TGS1: variants seen among roughly 807,000 people sequenced by gnomAD.
The protein encoded by TGS1 is trimethylguanosine synthase.
TGS1 carries 69 observed loss-of-function variants against 92.2 expected under a neutral mutation model. The ratio of observed to expected loss-of-function variants is 0.75; its 90% confidence interval spans 0.62 to 0.91. The LOEUF (loss-of-function observed/expected upper bound fraction) is 0.91, where lower values mean the gene tolerates loss of function less well. TGS1 is among the 40% of genes least tolerant of loss of function. The pLI is 0.00. For synonymous variants in TGS1, 345 were observed against 338.1 expected (o/e 1.02, Z -0.22); for missense variants, 1,062 against 1,001.2 (o/e 1.06, Z -0.82).
chr8:55,808,117 G>T (rs1803229694), intron 10 of TGS1, among the ~76,000 whole-genome samples: 1 of 152,168 alleles, frequency 6.6e-6, no homozygotes, highest in African/African-American at 2.4e-5. Flanking sequence ...TTTAAGGTCA[G>T]TGCTGATGAA....
Position 55,786,250 on chromosome 8 carries a change from A to C in TGS1, c.352A>C (p.Thr118Pro). 1 of 1,389,380 alleles carries C rather than the reference A, an allele frequency of 7.2e-7. No homozygotes were observed. Among genetic ancestry groups the C allele is most frequent in the Non-Finnish European group, 9.8e-7 (1 of 1,019,600 alleles). The allele number at this position is 1,389,380 out of a possible 1,614,324, so 86.1% of individuals were successfully genotyped here. The change falls in exon 4 of 13, where the codon ACT becomes CCT. Residue 118 changes from threonine to proline, a missense_variant. By Grantham distance (38) the Thr-to-Pro change is conservative (BLOSUM62 -1). Coordinates refer to ENST00000260129, the MANE Select transcript of TGS1 (RefSeq NM_024831.8). Reference sequence around the variant, plus strand: ...TTATCTGATATAGGTATCTATGAATACTAGAAATAAAGTTAAAATAAAAAA... The same window carrying C: ...TTATCTGATATAGGTATCTATGAATCCTAGAAATAAAGTTAAAATAAAAAA... ...AHKDFEVSMNTRNKVKIKKKK... is the reference protein window; with the variant it reads ...AHKDFEVSMNPRNKVKIKKKK...
rs1408025357 is a variant in TGS1, at chr8:55,773,692, T to C, written c.74T>C (p.Leu25Pro). 1.9e-6 allele frequency: 3 copies of C among 1,611,124 alleles called. No homozygotes were observed. The highest frequency in any genetic ancestry group is 2.2e-5 in the South Asian group (2 of 90,388). ...GAGGAGCGGGAGGATTGTAAGATAC[T>C]GTGCCTTTGCTCCAGGGCATTTGTG... ...FIEEREDCKI[L>P]CLCSRAFVED... The change falls in exon 1 of 13, where the codon CTG (leucine) becomes CCG (proline). Residue 25 changes from leucine to proline, a missense_variant. Coordinates refer to ENST00000260129, the MANE Select transcript of TGS1 (RefSeq NM_024831.8).
At chr8:55,781,366 A>G (rs1811557732) in intron 1 of TGS1, among the ~76,000 whole-genome samples, 2 of 152,182 alleles carry the variant, frequency 1.3e-5, no homozygotes, top group South Asian at 4.1e-4. Flanking sequence ...TATTTAAAAA[A>G]AAACCAAAAA....
intron 10 of TGS1, among the ~76,000 whole-genome samples, chr8:55,809,715 A>G (rs1377995719): frequency 6.6e-6 from 1 of 152,214 alleles, no homozygotes; most frequent in East Asian, 1.9e-4. Context: ...GATTACAGGC[A>G]TGAGCCACCG....
At chr8:55,787,855 T>C (rs1295479106) in intron 4 of TGS1, among the ~76,000 whole-genome samples, 2 of 151,920 alleles carry the variant, frequency 1.3e-5, no homozygotes, top group African/African-American at 4.8e-5. Flanking sequence ...TGGCAGAAGG[T>C]GAAAGGGGCA....
Position 55,825,054 on chromosome 8 carries a change from T to C in TGS1, c.*351T>C. On this transcript the variant is annotated 3_prime_UTR_variant, in exon 13 of 13. Transcript: ENST00000260129. ...CTTCTGTCTCAGTCTCCTCAGTAGCTGGGGCTTTAGGTGGGCACTGCCACA... is the reference window on the plus strand; with the variant it reads ...CTTCTGTCTCAGTCTCCTCAGTAGCCGGGGCTTTAGGTGGGCACTGCCACA... The C allele has an allele frequency of 5.6e-6, 1 of 177,736 alleles. No homozygotes were observed. Among genetic ancestry groups the C allele is most frequent in the South Asian group, 1.2e-4 (1 of 8,306 alleles). 11.0% of individuals were successfully genotyped at this position (177,736 alleles called of 1,614,324 possible).
intron 1 of TGS1, among the ~76,000 whole-genome samples, chr8:55,775,362 C>G (rs1428544354): frequency 6.6e-6 from 1 of 152,162 alleles, no homozygotes; most frequent in Non-Finnish European, 1.5e-5. Flanking sequence ...AAACCTTAAG[C>G]TGGGGAATGA....
At chr8:55,786,190 T>G in intron 3 of TGS1, 48 bp from the exon 4 acceptor site, 1 of 1,019,330 alleles carries the variant, frequency 9.8e-7, no homozygotes, top group Non-Finnish European at 1.4e-6. Context: ...TACTTTCTTT[T>G]ATAGTTCATA....
chr8:55,791,314 C>T (rs1229728462), intron 5 of TGS1, among the ~76,000 whole-genome samples: 3 of 152,204 alleles, frequency 2.0e-5, no homozygotes. Context: ...CAGGAACTGT[C>T]ACAAGAAATT....
intron 5 of TGS1, among the ~76,000 whole-genome samples, chr8:55,792,075 T>C (rs571097286): frequency 3.9e-5 from 6 of 152,220 alleles, no homozygotes; most frequent in Non-Finnish European, 5.9e-5. Flanking sequence ...TGCTAGTTAC[T>C]GGAGGCAAAG....
At chr8:55,805,080 A>C in intron 10 of TGS1, 44 bp downstream of exon 10, 1 of 1,573,954 alleles carries the variant, frequency 6.4e-7, no homozygotes, top group Non-Finnish European at 8.7e-7. Flanking sequence ...TGTCCAGTTA[A>C]TTCAGTAAAT....
chr8:55,776,202 A>C (rs1811392344), intron 1 of TGS1, among the ~76,000 whole-genome samples: 1 of 151,922 alleles, frequency 6.6e-6, no homozygotes, highest in Non-Finnish European at 1.5e-5. Flanking sequence ...TTGAGCAAGC[A>C]AGGGGTACGT....
At position 55,809,194 on chromosome 8, in the gene TGS1, T is replaced by A. The variant is rs555480259; in HGVS notation, c.2144-1687T>A. The stretch of plus-strand genomic sequence containing the variant: ...GTTATTCCTTTGTGCCAGATTTATT[T>A]CCACTCAGATATTTGCTGTCTGTGC... On this transcript the variant is annotated intron_variant, in intron 10 of 12. Coordinates refer to ENST00000260129, the MANE Select transcript of TGS1 (RefSeq NM_024831.8). 8.5e-5 allele frequency among the ~76,000 whole-genome samples: 13 copies of A among 152,350 alleles called. No individual in the cohort carries two copies. The East Asian group carries it at 2.3e-3, about 27-fold the overall frequency.
At chr8:55,802,326 T>C in intron 8 of TGS1, 131 bp from the exon 9 acceptor site, 1 of 692,232 alleles carries the variant, frequency 1.4e-6, no homozygotes, top group Admixed American at 2.7e-5. Flanking sequence ...GGCTCTCCTG[T>C]TTCTCTGGGC....
At chr8:55,780,046 A>G (rs1254749501) in intron 1 of TGS1, among the ~76,000 whole-genome samples, 1 of 151,610 alleles carries the variant, frequency 6.6e-6, no homozygotes, top group Non-Finnish European at 1.5e-5. Flanking sequence ...TAGTAGAGAC[A>G]GGGTTTCACC....
chr8:55,798,517 G>A (rs1284150792), intron 7 of TGS1, among the ~76,000 whole-genome samples: 1 of 152,180 alleles, frequency 6.6e-6, no homozygotes, highest in Non-Finnish European at 1.5e-5. Context: ...GACCATTGCA[G>A]AAAGGTCTAT....
intron 7 of TGS1, among the ~76,000 whole-genome samples, chr8:55,797,289 T>C (rs528895649): frequency 2.0e-5 from 3 of 151,992 alleles, no homozygotes; most frequent in Non-Finnish European, 4.4e-5. Flanking sequence ...AACCATCAGA[T>C]CTCATAAGAA....
chr8:55,792,762 T>C lies in TGS1; in HGVS notation c.1345T>C (p.Phe449Leu). The C allele has an allele frequency of 6.2e-7, 1 of 1,613,588 alleles. No individual in the cohort carries two copies. The highest frequency in any genetic ancestry group is 1.7e-5 in the Admixed American group (1 of 60,020). The change falls in exon 6 of 13, where the codon TTC becomes CTC. Residue 449 changes from phenylalanine (F) to leucine (L), a missense_variant. By Grantham distance (22) the Phe-to-Leu change is conservative (BLOSUM62 0). Transcript: ENST00000260129. ...TGATGACAGTGGTTCCCTTCTAGGATTCAAGTATGGCTCAGGACAAAAGTA... is the reference window on the plus strand; with the variant it reads ...TGATGACAGTGGTTCCCTTCTAGGACTCAAGTATGGCTCAGGACAAAAGTA... ...DFDDSGSLLG[F>L]KYGSGQKYGG...
At chr8:55,801,721 TG>T (rs1269744174) in intron 8 of TGS1, among the ~76,000 whole-genome samples, 4 of 150,358 alleles carry the variant, frequency 2.7e-5, no homozygotes, top group Admixed American at 2.0e-4. Flanking sequence ...CCCAAGTAGC[TG>T]GGATTACAGG....
Sources: gnomAD v4.1 joint callset for allele counts (sites outside exome capture counted in the v4.1 genomes callset) on GRCh38, gnomAD v4.1.1 for gene constraint, MANE v1.5 for transcripts, NCBI Gene and HGNC (gene_info 2026-07-23, HGNC 2026-07-21) for gene names.